Variants in TYW1 observed in about 807,000 individuals in gnomAD.
TYW1 encodes S-adenosyl-L-methionine-dependent tRNA 4-demethylwyosine synthase TYW1.
Under a neutral mutation model 96.2 loss-of-function variants are expected in TYW1, and 46 were observed. The ratio of observed to expected loss-of-function variants is 0.48; its 90% CI spans 0.38 to 0.61. The LOEUF is 0.61. Ranked by LOEUF, TYW1 falls within the 20% of genes least tolerant of loss-of-function variation. The pLI is 0.00. For synonymous variants in TYW1, 274 were observed against 323.0 expected (o/e 0.85, Z 1.63); for missense variants, 684 against 909.6 (o/e 0.75, Z 3.19).
intron 13 of TYW1, among the ~76,000 whole-genome samples, chr7:67,149,102 G>A (rs1250400820): frequency 2.0e-5 from 3 of 152,036 alleles, no homozygotes; most frequent in African/African-American, 4.8e-5. Flanking sequence ...AATCATTCAC[G>A]GCCATTCACC....
Position 67,238,669 on chromosome 7 carries a change from G to C in TYW1, c.*140G>C. The C allele has an allele frequency of 6.9e-7, 1 of 1,445,464 alleles. No individual in the cohort carries two copies. Among genetic ancestry groups the C allele is most frequent in the East Asian group, 2.5e-5 (1 of 40,010 alleles). 89.5% of individuals were successfully genotyped at this position (1,445,464 alleles called of 1,614,324 possible). On this transcript the variant is annotated 3_prime_UTR_variant, in exon 16 of 16. Transcript: ENST00000359626. ...GAGACGATAAGGCAGTAAACATGGA[G>C]ACACGGGGGACAGCGTCCACACTCA...
chr7:67,155,625 A>G (rs1391190884), intron 13 of TYW1, among the ~76,000 whole-genome samples: 1 of 151,660 alleles, frequency 6.6e-6, no homozygotes, highest in Admixed American at 6.6e-5. Context: ...CGATCTCAAT[A>G]TCAGCTCACT....
At chr7:67,169,327 TC>T (rs1487364615) in intron 13 of TYW1, among the ~76,000 whole-genome samples, 1 of 152,232 alleles carries the variant, frequency 6.6e-6, no homozygotes, top group Admixed American at 6.5e-5. Flanking sequence ...TTTCAGAACT[TC>T]CAATAGTGTC....
intron 11 of TYW1, among the ~76,000 whole-genome samples, chr7:67,092,436 C>T (rs1408918502): frequency 6.6e-6 from 1 of 152,112 alleles, no homozygotes; most frequent in African/African-American, 2.4e-5. Context: ...CCATGTGACT[C>T]AGGTTCCCTA....
At chr7:67,090,401 A>G (rs1167325211) in intron 11 of TYW1, among the ~76,000 whole-genome samples, 3 of 152,150 alleles carry the variant, frequency 2.0e-5, no homozygotes, top group Non-Finnish European at 4.4e-5. Flanking sequence ...GCATTACATC[A>G]TGTTTATTTG....
Position 67,067,275 on chromosome 7 carries a change from C to T in TYW1, c.1156-10C>T, listed in dbSNP as rs373251236. 54 of 1,613,256 alleles carry T rather than the reference C, an allele frequency of 3.3e-5. No individual in the cohort carries two copies. Among genetic ancestry groups the T allele is most frequent in the Non-Finnish European group, 4.6e-5 (54 of 1,179,368 alleles). On this transcript the variant is annotated splice_polypyrimidine_tract_variant and intron_variant, in intron 9 of 15. Coordinates refer to ENST00000359626, the MANE Select transcript of TYW1 (RefSeq NM_018264.4). ...TTTTATTCAAATTGTGATTTGTTTA[C>T]TTGTCATAGTCCATGCTCCGAGGGA...
intron 7 of TYW1, among the ~76,000 whole-genome samples, chr7:67,040,148 G>A (rs1444008054): frequency 6.6e-6 from 1 of 151,548 alleles, no homozygotes; most frequent in Admixed American, 6.6e-5. Context: ...GTAGAGATGG[G>A]GTTTTTACCG....
intron 12 of TYW1, among the ~76,000 whole-genome samples, chr7:67,099,343 T>G (rs191742704): frequency 9.7e-4 from 147 of 152,304 alleles, no homozygotes; most frequent in Non-Finnish European, 1.6e-3. Context: ...AATTTTTATC[T>G]TTATGTCTGG....
intron 13 of TYW1, among the ~76,000 whole-genome samples, chr7:67,130,564 T>G (rs543975181): frequency 1.3e-4 from 19 of 151,728 alleles, no homozygotes; most frequent in African/African-American, 4.6e-4. Flanking sequence ...CTCGGGAGGC[T>G]GAGGCAGGAG....
chr7:67,007,662 T>C (rs2129238764), intron 3 of TYW1, among the ~76,000 whole-genome samples: 1 of 152,230 alleles, frequency 6.6e-6, no homozygotes, highest in East Asian at 1.9e-4. Flanking sequence ...AGATGGAGTC[T>C]CGCTCTGTCG....
intron 10 of TYW1, among the ~76,000 whole-genome samples, chr7:67,082,232 T>C (rs1175576519): frequency 6.6e-6 from 1 of 152,176 alleles, no homozygotes; most frequent in Non-Finnish European, 1.5e-5. Flanking sequence ...GCACATCTGG[T>C]ATAACAGTCA....
intron 9 of TYW1, among the ~76,000 whole-genome samples, chr7:67,062,054 T>C (rs1374563194): frequency 1.3e-5 from 2 of 152,312 alleles, no homozygotes; most frequent in South Asian, 2.1e-4. Flanking sequence ...TTTTAAAATA[T>C]ATTAGAGTTC....
chr7:67,159,479 A>G (rs1437895424), intron 13 of TYW1, among the ~76,000 whole-genome samples: 1 of 152,144 alleles, frequency 6.6e-6, no homozygotes, highest in Non-Finnish European at 1.5e-5. Context: ...ACAATAACAT[A>G]TATGTCTGAT....
chr7:67,239,163 T>C lies in TYW1; in HGVS notation c.*634T>C, dbSNP rs1801983654. The C allele has an allele frequency of 1.6e-5, 16 of 985,058 alleles. 1 individual carries two copies. The South Asian group carries it at 4.7e-4, about 29-fold the overall frequency. 61.0% of individuals were successfully genotyped at this position (985,058 alleles called of 1,614,324 possible). A position where few individuals can be genotyped will look rare whatever the true frequency, so the allele number is the denominator to read the frequency against. ...GATCTCATCCCATTCCCATGTAAAT[T>C]ACCACAGACCGCAGTACCGGGGCTG... is the stretch of plus-strand genomic sequence containing the variant. On this transcript the variant is annotated 3_prime_UTR_variant, in exon 16 of 16. Coordinates refer to ENST00000359626, the MANE Select transcript of TYW1 (RefSeq NM_018264.4).
intron 11 of TYW1, among the ~76,000 whole-genome samples, chr7:67,084,384 T>C (rs1317519096): frequency 6.6e-6 from 1 of 152,242 alleles, no homozygotes; most frequent in African/African-American, 2.4e-5. Context: ...TTAACAAATA[T>C]TGACTTCACT....
At chr7:67,197,052 C>T (rs897449138) in intron 15 of TYW1, among the ~76,000 whole-genome samples, 7 of 152,290 alleles carry the variant, frequency 4.6e-5, no homozygotes, top group East Asian at 3.9e-4. Flanking sequence ...AGAGATTATG[C>T]GTGGAGTCAG....
intron 13 of TYW1, among the ~76,000 whole-genome samples, chr7:67,164,753 T>A (rs1315251101): frequency 6.6e-6 from 1 of 152,180 alleles, no homozygotes; most frequent in Non-Finnish European, 1.5e-5. Context: ...AGGAGGATGT[T>A]CCTCAGATAT....
intron 12 of TYW1, among the ~76,000 whole-genome samples, chr7:67,110,360 C>CG (rs1482850104): frequency 6.6e-6 from 1 of 152,034 alleles, no homozygotes; most frequent in Non-Finnish European, 1.5e-5. Flanking sequence ...AAGCAGGCAG[C>CG]GAAAACCAAG....
At chr7:66,999,350 G>A (rs1368805662) in intron 3 of TYW1, among the ~76,000 whole-genome samples, 1 of 152,120 alleles carries the variant, frequency 6.6e-6, no homozygotes, top group East Asian at 1.9e-4. Flanking sequence ...ACACATCTAT[G>A]TTTATTTTTT....
Sources: allele counts gnomAD v4.1 joint callset (sites outside exome capture counted in the v4.1 genomes callset), GRCh38; gene constraint gnomAD v4.1.1; transcripts MANE v1.5; gene names NCBI Gene and HGNC (gene_info 2026-07-23, HGNC 2026-07-21).